The following CNMD variants were observed in gnomAD, a reference collection of about 807,000 sequenced individuals.
CNMD encodes the protein leukocyte cell-derived chemotaxin 1.
A neutral mutation model predicts 37.5 loss-of-function variants in CNMD; 30 were observed. That is an observed-to-expected ratio of 0.80 (90% CI 0.60 to 1.09). CNMD has a LOEUF of 1.09. CNMD is among the 50% of genes least tolerant of loss of function. The pLI, the probability that CNMD is intolerant of heterozygous loss-of-function variation, is 0.00. For missense variants in CNMD, 398 were observed against 423.9 expected, an observed-to-expected ratio of 0.94 and a Z score of 0.54; for synonymous variants, 167 against 148.2, an observed-to-expected ratio of 1.13 and a Z score of -0.92.
At chr13:52,719,819 T>C (rs1014436614) in intron 4 of CNMD, among the ~76,000 whole-genome samples, 3 of 152,202 alleles carry the variant, frequency 2.0e-5, no homozygotes, top group Non-Finnish European at 2.9e-5. Flanking sequence ...GTTGCTCTTC[T>C]TGAGGAGTAT....
intron 3 of CNMD, among the ~76,000 whole-genome samples, chr13:52,728,939 G>T (rs9536262): frequency 0.33 from 50,007 of 151,950 alleles, 9,114 homozygotes; most frequent in Middle Eastern, 0.44. Flanking sequence ...TTAAACAGAG[G>T]GAACTAAAAG....
chr13:52,712,989 C>A, intron 4 of CNMD, 120 bp from the exon 5 acceptor site: 2 of 687,498 alleles, frequency 2.9e-6, no homozygotes, highest in Non-Finnish European at 4.6e-6. Flanking sequence ...TCCGAGCATG[C>A]GTGTGTACAT....
chr13:52,727,116 T>TA (rs1964587937), intron 3 of CNMD, among the ~76,000 whole-genome samples: 1 of 151,318 alleles, frequency 6.6e-6, no homozygotes, highest in Admixed American at 6.6e-5. Flanking sequence ...TACAAAAAAA[T>TA]AAAAAATAGC....
At position 52,739,020 on chromosome 13, in the gene CNMD, T is replaced by C; in HGVS notation, c.213+11A>G. The stretch of plus-strand genomic sequence containing the variant: ...ACACGGGGGTCCCCGCGCGCCGCCC[T>C]CTGGACTTACGTGACTGTCGCTCCC... On this transcript the variant is annotated intron_variant, in intron 2 of 6. Coordinates refer to ENST00000377962, the MANE Select transcript of CNMD (RefSeq NM_007015.3). This position sits in a 1 kb window ranked among gnomAD's most constrained non-coding sequence, Gnocchi z 5.4. 6.4e-7 allele frequency: 1 copy of C among 1,567,328 alleles called. No homozygotes were observed. The highest frequency in any genetic ancestry group is 1.9e-5 in the Admixed American group (1 of 53,458).
chr13:52,719,690 G>A (rs1451363937), intron 4 of CNMD, among the ~76,000 whole-genome samples: 1 of 152,242 alleles, frequency 6.6e-6, no homozygotes, highest in Non-Finnish European at 1.5e-5. Context: ...TCTGCCAAGA[G>A]ATCTGCTGTT....
intron 4 of CNMD, among the ~76,000 whole-genome samples, chr13:52,719,323 T>G (rs773679912): frequency 6.6e-6 from 1 of 152,214 alleles, no homozygotes; most frequent in African/African-American, 2.4e-5. Flanking sequence ...TTAGCCCATT[T>G]ACATTTAAGG....
chr13:52,719,206 G>A (rs2138243400), intron 4 of CNMD, among the ~76,000 whole-genome samples: 1 of 152,166 alleles, frequency 6.6e-6, no homozygotes, highest in Admixed American at 6.5e-5. Flanking sequence ...CCTTTATTTT[G>A]AACCTATGTG....
At chr13:52,722,172 G>A (rs1184361159) in intron 4 of CNMD, among the ~76,000 whole-genome samples, 1 of 152,080 alleles carries the variant, frequency 6.6e-6, no homozygotes, top group African/African-American at 2.4e-5. Context: ...CCAGAGCAAG[G>A]AAGGTCTGGA....
chr13:52,710,970 C>T (rs139118589), intron 5 of CNMD, among the ~76,000 whole-genome samples: 2,599 of 152,296 alleles, frequency 0.017, 29 homozygotes, highest in Non-Finnish European at 0.028. Flanking sequence ...GTGCCCACCC[C>T]ATGGCCCTGC....
At chr13:52,725,431 T>C (rs949417381) in intron 3 of CNMD, among the ~76,000 whole-genome samples, 1 of 126,042 alleles carries the variant, frequency 7.9e-6, no homozygotes, top group Non-Finnish European at 1.7e-5. Context: ...GACTTAGATG[T>C]TTTTTTTTTG....
intron 3 of CNMD, 68 bp downstream of exon 3, chr13:52,733,151 C>T (rs1964701518): frequency 6.5e-7 from 1 of 1,533,798 alleles, no homozygotes; most frequent in African/African-American, 1.4e-5. Flanking sequence ...AACGCTGCTC[C>T]TCCTTGAATT....
chr13:52,706,609 A>G (rs548071664), intron 6 of CNMD, among the ~76,000 whole-genome samples: 4 of 152,342 alleles, frequency 2.6e-5, no homozygotes, highest in East Asian at 1.9e-4. Flanking sequence ...TATGTATACA[A>G]TGAGTTACTA....
chr13:52,723,024 C>T (rs935587948), intron 4 of CNMD, among the ~76,000 whole-genome samples: 1 of 152,166 alleles, frequency 6.6e-6, no homozygotes, highest in African/African-American at 2.4e-5. Flanking sequence ...GTGTGATCCG[C>T]TATTGTGGGT....
intron 3 of CNMD, among the ~76,000 whole-genome samples, chr13:52,725,681 A>G (rs1272915897): frequency 6.6e-6 from 1 of 152,338 alleles, no homozygotes; most frequent in East Asian, 1.9e-4. Flanking sequence ...AATAATGGAG[A>G]TACTAGCACA....
chr13:52,738,320 T>C (rs1242302634), intron 2 of CNMD, among the ~76,000 whole-genome samples: 1 of 152,200 alleles, frequency 6.6e-6, no homozygotes, highest in Non-Finnish European at 1.5e-5. Flanking sequence ...AAACAGTCTT[T>C]ATACTCCTCG....
chr13:52,738,665 A>G (rs1357129329), intron 2 of CNMD, among the ~76,000 whole-genome samples: 1 of 152,132 alleles, frequency 6.6e-6, no homozygotes, highest in Non-Finnish European at 1.5e-5. Flanking sequence ...GACAGGCCTT[A>G]GAGATCGTCC....
At chr13:52,726,636 A>G (rs1369758569) in intron 3 of CNMD, among the ~76,000 whole-genome samples, 1 of 152,204 alleles carries the variant, frequency 6.6e-6, no homozygotes, top group Non-Finnish European at 1.5e-5. Flanking sequence ...TGTAATAAGC[A>G]ACTATTAAAT....
chr13:52,706,324 C>T (rs949256253), intron 6 of CNMD, among the ~76,000 whole-genome samples: 5 of 152,218 alleles, frequency 3.3e-5, no homozygotes, highest in Admixed American at 6.5e-5. Flanking sequence ...AAATCTACTT[C>T]GATGCAGCAG....
intron 3 of CNMD, among the ~76,000 whole-genome samples, chr13:52,728,003 T>G (rs1376968666): frequency 6.6e-6 from 1 of 152,180 alleles, no homozygotes; most frequent in East Asian, 1.9e-4. Flanking sequence ...TACCCTAACA[T>G]TATCATTACA....
Sources: allele counts gnomAD v4.1 joint callset (sites outside exome capture counted in the v4.1 genomes callset), GRCh38; gene constraint gnomAD v4.1.1; non-coding constraint Gnocchi (gnomAD v3.1); transcripts MANE v1.5; gene names NCBI Gene and HGNC (gene_info 2026-07-23, HGNC 2026-07-21).